COL4A5: variants seen among roughly 807,000 people sequenced by gnomAD.
COL4A5 encodes the protein collagen type IV alpha 5 chain, also known as collagen alpha-5(IV) chain.
A neutral mutation model predicts 130.2 loss-of-function variants in COL4A5; 26 were observed. That is an observed-to-expected ratio of 0.20 (90% CI 0.15 to 0.28). COL4A5 has a LOEUF of 0.28. Ranked by LOEUF, COL4A5 falls within the 10% of genes least tolerant of loss-of-function variation. The pLI is 1.00. For synonymous variants in COL4A5, 496 were observed against 439.6 expected (o/e 1.13, Z -1.60); for missense variants, 1,131 against 1,344.3 (o/e 0.84, Z 2.48).
At chrX:108,533,792 G>T (rs1471131133) in intron 1 of COL4A5, among the ~76,000 whole-genome samples, 4 of 110,121 alleles carry the variant, frequency 3.6e-5, no homozygotes, top group Admixed American at 1.9e-4. Context: ...ATCTGACAGG[G>T]GACTAATATT....
chrX:108,445,131 T>C (rs771449795), intron 1 of COL4A5, among the ~76,000 whole-genome samples: 1 of 111,786 alleles, frequency 8.9e-6, no homozygotes, highest in East Asian at 2.8e-4. Context: ...TTATATTTAT[T>C]GACTTACCAT....
chrX:108,680,626 C>G, intron 44 of COL4A5, 53 bp from the exon 45 acceptor site: 15 of 1,009,777 alleles, frequency 1.5e-5, no homozygotes, highest in Middle Eastern at 3.4e-4. Context: ...CCTCAATCAC[C>G]TTCCTCCCCT....
intron 36 of COL4A5, among the ~76,000 whole-genome samples, chrX:108,642,155 G>A (rs1035011628): frequency 2.7e-5 from 3 of 109,995 alleles, no homozygotes; most frequent in Non-Finnish European, 5.7e-5. Context: ...CTCAGCAGAG[G>A]CACCCATAAT....
At chrX:108,495,502 A>C (rs754303180) in intron 1 of COL4A5, among the ~76,000 whole-genome samples, 1 of 111,548 alleles carries the variant, frequency 9.0e-6, no homozygotes. Context: ...TCAGTTCAAT[A>C]AAACCCCCCC....
At chrX:108,491,742 C>T (rs2064995007) in intron 1 of COL4A5, among the ~76,000 whole-genome samples, 1 of 111,199 alleles carries the variant, frequency 9.0e-6, no homozygotes, top group Admixed American at 9.6e-5. Flanking sequence ...GTTCTTAGTA[C>T]CTGAGGGAGT....
chrX:108,475,998 C>A (rs2064829646), intron 1 of COL4A5, among the ~76,000 whole-genome samples: 1 of 110,883 alleles, frequency 9.0e-6, no homozygotes, highest in Non-Finnish European at 1.9e-5. Context: ...CACAGGACAC[C>A]CACTCACCCA....
At chrX:108,481,239 G>A (rs574903191) in intron 1 of COL4A5, among the ~76,000 whole-genome samples, 8 of 109,439 alleles carry the variant, frequency 7.3e-5, no homozygotes, top group African/African-American at 1.0e-4. Flanking sequence ...AGTAGTCCCC[G>A]AAATATCTGA....
intron 1 of COL4A5, among the ~76,000 whole-genome samples, chrX:108,511,664 T>G (rs2065180484): frequency 8.9e-6 from 1 of 111,839 alleles, no homozygotes; most frequent in South Asian, 3.7e-4. Context: ...CTCACCTTTA[T>G]AGTCAATTGT....
chrX:108,669,859 T>A (rs2068162750), intron 41 of COL4A5, among the ~76,000 whole-genome samples: 1 of 111,546 alleles, frequency 9.0e-6, no homozygotes, highest in African/African-American at 3.3e-5. Flanking sequence ...ACCTGATGAG[T>A]GTTTGTGACT....
At chrX:108,683,706 G>A (rs1391176554) in intron 47 of COL4A5, among the ~76,000 whole-genome samples, 2 of 111,240 alleles carry the variant, frequency 1.8e-5, no homozygotes, top group East Asian at 5.7e-4. Flanking sequence ...GTCTATTATT[G>A]GTGTATAGGA....
intron 1 of COL4A5, among the ~76,000 whole-genome samples, chrX:108,491,806 G>A (rs2064995642): frequency 9.0e-6 from 1 of 111,301 alleles, no homozygotes; most frequent in Non-Finnish European, 1.9e-5. Flanking sequence ...TCTGTGTTGT[G>A]GATCTGAGGG....
chrX:108,652,115 A>T (rs1219499943), intron 36 of COL4A5, among the ~76,000 whole-genome samples: 2 of 111,689 alleles, frequency 1.8e-5, no homozygotes, highest in Admixed American at 9.5e-5. Context: ...CGACACAAGA[A>T]CATGAAGAAA....
At chrX:108,558,075 T>G (rs1330648529) in intron 2 of COL4A5, among the ~76,000 whole-genome samples, 1 of 29,023 alleles carries the variant, frequency 3.4e-5, no homozygotes, top group Non-Finnish European at 6.1e-5. Context: ...CCCTCCCCCC[T>G]CCCCCCACCC....
At chrX:108,618,982 C>A (rs1178099114) in intron 30 of COL4A5, among the ~76,000 whole-genome samples, 1 of 110,939 alleles carries the variant, frequency 9.0e-6, no homozygotes, top group Non-Finnish European at 1.9e-5. Flanking sequence ...ATTGAAAACC[C>A]AACTATTAAA....
rs768155079 is a variant in COL4A5 at position 108,681,918 on chromosome X, T to G, written c.4216+30T>G. 8 of 1,170,727 alleles carry G rather than the reference T, an allele frequency of 6.8e-6. No individual in the cohort carries two copies. The East Asian group carries it at 2.4e-4, about 35-fold the overall frequency. ...CAATGCAGATCATCTTTATTATCAT[T>G]ATTATACTTTTAATTTCTGGGATAC... On this transcript the variant is annotated intron_variant, in intron 47 of 52. Transcript: ENST00000328300.
chrX:108,517,249 T>C (rs967780042), intron 1 of COL4A5, among the ~76,000 whole-genome samples: 3 of 111,509 alleles, frequency 2.7e-5, no homozygotes, highest in Admixed American at 1.9e-4. Context: ...TATAAATGAA[T>C]AACAATCATG....
intron 46 of COL4A5, among the ~76,000 whole-genome samples, chrX:108,681,515 T>G (rs973565640): frequency 3.6e-5 from 4 of 111,503 alleles, no homozygotes; most frequent in African/African-American, 1.3e-4. Context: ...AGTAACTGAG[T>G]AAGATTCAAG....
intron 2 of COL4A5, among the ~76,000 whole-genome samples, chrX:108,550,394 C>T (rs5973832): frequency 0.39 from 43,436 of 110,955 alleles, 7,991 homozygotes; most frequent in East Asian, 0.72. Context: ...AAAATTGTGA[C>T]TCACTATATT....
At chrX:108,460,556 C>G (rs1467781913) in intron 1 of COL4A5, among the ~76,000 whole-genome samples, 2 of 107,513 alleles carry the variant, frequency 1.9e-5, no homozygotes. Context: ...ATGGTGCGGT[C>G]TTGGCACACT....
Sources: gnomAD v4.1 joint callset for allele counts (sites outside exome capture counted in the v4.1 genomes callset) on GRCh38, gnomAD v4.1.1 for gene constraint, MANE v1.5 for transcripts, NCBI Gene and HGNC (gene_info 2026-07-23, HGNC 2026-07-21) for gene names.